Variants in SLBP observed in about 807,000 individuals in gnomAD.
SLBP encodes the protein stem-loop histone mRNA binding protein.
Under a neutral mutation model 39.2 loss-of-function variants are expected in SLBP, and 29 were observed. The ratio of observed to expected loss-of-function variants is 0.74; its 90% CI spans 0.55 to 1.01. The LOEUF (loss-of-function observed/expected upper bound fraction) is 1.01, where lower values mean the gene tolerates loss of function less well. Ranked by LOEUF, SLBP falls within the 50% of genes least tolerant of loss-of-function variation. The pLI is 0.00. For missense variants in SLBP, 390 were observed against 350.2 expected (o/e 1.11, Z -0.91); for synonymous variants, 129 against 118.7 (o/e 1.09, Z -0.57).
At chr4:1,704,092 G>C (rs1264391151) in intron 2 of SLBP, among the ~76,000 whole-genome samples, 1 of 151,920 alleles carries the variant, frequency 6.6e-6, no homozygotes, top group Admixed American at 6.6e-5. Context: ...TGTGTTTGGG[G>C]GTCTAATAAA....
rs374942151 is a variant in SLBP, at chr4:1,694,818, C to T, written c.652G>A (p.Ala218Thr). Residue 218 changes from alanine (A) to threonine (T), a missense_variant, in exon 7 of 8, where the codon GCA becomes ACA. Coordinates refer to ENST00000489418, the MANE Select transcript of SLBP (RefSeq NM_006527.4). ...GTCTGGGGCTCGGAGCTGCTTTCTGCAGATTCAAGGTCTACAGGGTGTCTG... is the reference window on the plus strand; with the variant it reads ...GTCTGGGGCTCGGAGCTGCTTTCTGTAGATTCAAGGTCTACAGGGTGTCTG... Reference protein sequence around the residue: ...QEIHPVDLESAESSSEPQTSS... With the variant: ...QEIHPVDLESTESSSEPQTSS... The T allele has an allele frequency of 1.2e-6, 2 of 1,613,480 alleles. No individual in the cohort carries two copies. The highest frequency in any genetic ancestry group is 3.3e-4 in the Middle Eastern group (2 of 6,062).
At position 1,700,004 on chromosome 4, in the gene SLBP, C is replaced by A. The variant is rs773936438; in HGVS notation, c.341+7G>T. 1.3e-6 allele frequency: 2 copies of A among 1,583,770 alleles called. No homozygotes were observed. The highest frequency in any genetic ancestry group is 2.3e-5 in the South Asian group (2 of 86,984). ...AATTAGAAAAGAAACATTTACACAGCCTTTACCTTCCTGATGATGATTTTC... is the reference window on the plus strand; with the variant it reads ...AATTAGAAAAGAAACATTTACACAGACTTTACCTTCCTGATGATGATTTTC... On this transcript the variant is annotated splice_region_variant and intron_variant, in intron 4 of 7. Coordinates refer to ENST00000489418, the MANE Select transcript of SLBP (RefSeq NM_006527.4).
Position 1,696,129 on chromosome 4 carries a change from C to A in SLBP, c.629+73G>T, listed in dbSNP as rs114661566. 4,108 of 1,349,140 alleles carry A rather than the reference C, an allele frequency of 3.0e-3. 130 individuals are homozygous for A. In the African/African-American group the frequency reaches 0.055, roughly 18 times the overall value. The allele number at this position is 1,349,140 out of a possible 1,614,324, so 83.6% of individuals were successfully genotyped here. ...GGGACTTGGCACCAGACCTCCTGTCCCAGTGGTGCGCAGCTGCTCCAGTCA... is the reference window on the plus strand; with the variant it reads ...GGGACTTGGCACCAGACCTCCTGTCACAGTGGTGCGCAGCTGCTCCAGTCA... On this transcript the variant is annotated intron_variant, in intron 6 of 7. Transcript: ENST00000489418.
At chr4:1,701,215 G>A (rs1208363946) in intron 3 of SLBP, among the ~76,000 whole-genome samples, 2 of 140,144 alleles carry the variant, frequency 1.4e-5, no homozygotes, top group African/African-American at 2.6e-5. Flanking sequence ...GCGAGATCTC[G>A]GCTCAGTGCA....
intron 3 of SLBP, among the ~76,000 whole-genome samples, chr4:1,701,728 G>A (rs1247385450): frequency 6.6e-6 from 1 of 152,142 alleles, no homozygotes; most frequent in Non-Finnish European, 1.5e-5. Context: ...CCAATATGGT[G>A]AAACCTAGCC....
intron 5 of SLBP, among the ~76,000 whole-genome samples, chr4:1,698,973 A>G (rs943153988): frequency 2.6e-5 from 4 of 151,668 alleles, no homozygotes; most frequent in African/African-American, 9.7e-5. Flanking sequence ...AATTTTTTGT[A>G]GAGATGAGGT....
At chr4:1,700,447 T>C (rs1278540497) in intron 3 of SLBP, among the ~76,000 whole-genome samples, 2 of 151,770 alleles carry the variant, frequency 1.3e-5, no homozygotes, top group Non-Finnish European at 2.9e-5. Context: ...TGCTTTCTAT[T>C]GCAGTCATTA....
chr4:1,694,248 A>G (rs1433067306), intron 7 of SLBP, among the ~76,000 whole-genome samples: 23 of 151,972 alleles, frequency 1.5e-4, no homozygotes, highest in Admixed American at 1.5e-3. Flanking sequence ...ACACCCAGCT[A>G]GTTTTTGTAT....
In SLBP at chr4:1,712,205, C is replaced by T. The variant is rs746303401; in HGVS notation, c.-17G>A. On this transcript the variant is annotated 5_prime_UTR_variant, in exon 1 of 8. Transcript: ENST00000489418. ...GCAGGCCATGGCAGCACGGGCCGGG[C>T]GCGCAGCGCAGGGCCGAGGCTGAGG... 8.0e-7 allele frequency: 1 copy of T among 1,246,934 alleles called. No homozygotes were observed. The highest frequency in any genetic ancestry group is 1.0e-6 in the Non-Finnish European group (1 of 998,530). The allele number at this position is 1,246,934 out of a possible 1,614,324, so 77.2% of individuals were successfully genotyped here.
chr4:1,703,469 G>A (rs1003771887), intron 3 of SLBP, 127 bp downstream of exon 3: 1 of 674,232 alleles, frequency 1.5e-6, no homozygotes. Flanking sequence ...CAAGTTCCCA[G>A]GAAATGTTGA....
chr4:1,699,449 G>C (rs925332301), intron 5 of SLBP, 115 bp downstream of exon 5: 2 of 926,404 alleles, frequency 2.2e-6, no homozygotes, highest in African/African-American at 3.2e-5. Context: ...CTATTAAATA[G>C]CTCTTAGCAG....
intron 5 of SLBP, among the ~76,000 whole-genome samples, chr4:1,697,158 TAAAAAAAAAAA>T (rs59715153): frequency 1.4e-3 from 46 of 32,782 alleles, no homozygotes; most frequent in African/African-American, 3.7e-3. Flanking sequence ...GACTCCACCT[TAAAAAAAAAAA>T]AAAAAAAAAA....
At chr4:1,704,862 T>C (rs1287640973) in intron 2 of SLBP, among the ~76,000 whole-genome samples, 1 of 151,302 alleles carries the variant, frequency 6.6e-6, no homozygotes, top group Admixed American at 6.6e-5. Context: ...GACATGTCTA[T>C]ACTAAACAGT....
In SLBP at chr4:1,711,860, G is replaced by A. The variant is rs937951644; in HGVS notation, c.176+14C>T. ...GGGCCCCACCGCGCCCCGACCCCCG[G>A]GTCCCGCGCCCACCTCTCGGGTCTG... is the stretch of plus-strand genomic sequence containing the variant. On this transcript the variant is annotated intron_variant, in intron 2 of 7. Coordinates refer to ENST00000489418, the MANE Select transcript of SLBP (RefSeq NM_006527.4). 7 of 1,287,134 alleles carry A rather than the reference G, an allele frequency of 5.4e-6. No individual in the cohort carries two copies. Among genetic ancestry groups the A allele is most frequent in the East Asian group, 3.1e-5 (1 of 31,852 alleles). The allele number at this position is 1,287,134 out of a possible 1,614,324, so 79.7% of individuals were successfully genotyped here.
chr4:1,712,220 CGAGGCTGA>C lies in SLBP; in HGVS notation c.-40_-33del. 8.0e-7 allele frequency: 1 copy of C among 1,245,204 alleles called. No homozygotes were observed. The highest frequency in any genetic ancestry group is 3.4e-5 in the East Asian group (1 of 29,114). 77.1% of individuals were successfully genotyped at this position (1,245,204 alleles called of 1,614,324 possible). On this transcript the variant is annotated 5_prime_UTR_variant, in exon 1 of 8. Coordinates refer to ENST00000489418, the MANE Select transcript of SLBP (RefSeq NM_006527.4). ...ACGGGCCGGGCGCGCAGCGCAGGGC[CGAGGCTGA>C]GGCGGCGGCGGCGCGGGCAGAGAGC...
At chr4:1,697,788 G>A (rs1362569905) in intron 5 of SLBP, among the ~76,000 whole-genome samples, 1 of 152,118 alleles carries the variant, frequency 6.6e-6, no homozygotes, top group East Asian at 1.9e-4. Flanking sequence ...AGGTTGCGGT[G>A]AGCCAAGATT....
chr4:1,708,732 T>C (rs1349953786), intron 2 of SLBP, among the ~76,000 whole-genome samples: 1 of 152,228 alleles, frequency 6.6e-6, no homozygotes, highest in African/African-American at 2.4e-5. Context: ...CAAAGCCTAA[T>C]TTTACACACT....
At chr4:1,706,218 G>A (rs532829237) in intron 2 of SLBP, among the ~76,000 whole-genome samples, 120 of 152,030 alleles carry the variant, frequency 7.9e-4, no homozygotes, top group African/African-American at 2.7e-3. Context: ...CCCCAGAGAC[G>A]GAGGTTGCAG....
Position 1,700,005 on chromosome 4 carries a change from C to T in SLBP, c.341+6G>A, listed in dbSNP as rs1237400151. The T allele has an allele frequency of 1.3e-6, 2 of 1,585,930 alleles. No individual in the cohort carries two copies. The highest frequency in any genetic ancestry group is 2.3e-5 in the South Asian group (2 of 87,178). ...ATTAGAAAAGAAACATTTACACAGC[C>T]TTTACCTTCCTGATGATGATTTTCT... On this transcript the variant is annotated splice_donor_region_variant and intron_variant, in intron 4 of 7. Transcript: ENST00000489418.
Sources: gnomAD v4.1 joint callset for allele counts (sites outside exome capture counted in the v4.1 genomes callset) on GRCh38, gnomAD v4.1.1 for gene constraint, MANE v1.5 for transcripts, NCBI Gene and HGNC (gene_info 2026-07-23, HGNC 2026-07-21) for gene names.